The following TBCCD1 variants were observed in gnomAD, a reference collection of about 807,000 sequenced individuals.
TBCCD1 encodes the protein TBCC domain-containing protein 1.
Under a neutral mutation model 53.4 loss-of-function variants are expected in TBCCD1, and 26 were observed. That is an observed-to-expected ratio of 0.49 (90% confidence interval 0.36 to 0.68). The LOEUF is 0.68. Ranked by LOEUF, TBCCD1 falls within the 30% of genes least tolerant of loss-of-function variation. The pLI is 0.00. For missense variants in TBCCD1, 558 were observed against 669.5 expected, an observed-to-expected ratio of 0.83 and a Z score of 1.84; for synonymous variants, 245 against 241.7, an observed-to-expected ratio of 1.01 and a Z score of -0.13.
intron 6 of TBCCD1, chr3:186,553,202 C>A (rs1373620830): frequency 1.3e-5 from 2 of 152,156 alleles, no homozygotes; most frequent in Non-Finnish European, 2.9e-5. Context: ...GTGCTTACAT[C>A]CCACAGTCTG....
chr3:186,568,686 A>T (rs911054209), upstream of TBCCD1, among the ~76,000 whole-genome samples: 3 of 152,118 alleles, frequency 2.0e-5, no homozygotes, highest in Admixed American at 6.6e-5. Flanking sequence ...GGATCACTTG[A>T]GGTCAGGAGT....
At position 186,564,095 on chromosome 3, in the gene TBCCD1, A is replaced by G. The variant is rs370223630; in HGVS notation, c.235T>C (p.Phe79Leu). Reference sequence around the variant, plus strand: ...GGTGTCTTCATTGAAAGACTATCAAATATTTCGAAGTAAAGCCACGCCAGG... The same window carrying G: ...GGTGTCTTCATTGAAAGACTATCAAGTATTTCGAAGTAAAGCCACGCCAGG... Reference protein sequence around the residue: ...KDLAWLYFEIFDSLSMKTPEE... With the variant: ...KDLAWLYFEILDSLSMKTPEE... Residue 79 changes from phenylalanine to leucine, a missense_variant, in exon 2 of 8, where the codon TTT becomes CTT. By Grantham distance (22) the Phe-to-Leu change is conservative (BLOSUM62 0). Transcript: ENST00000338733. 1.7e-5 allele frequency: 28 copies of G among 1,614,066 alleles called. No homozygotes were observed. Among genetic ancestry groups the G allele is most frequent in the Non-Finnish European group, 2.3e-5 (27 of 1,180,046 alleles).
At chr3:186,551,007 T>G (rs1313546260) in intron 7 of TBCCD1, 122 bp downstream of exon 7, 3 of 931,388 alleles carry the variant, frequency 3.2e-6, no homozygotes, top group Admixed American at 6.0e-5. Context: ...TAAAGGTCCG[T>G]GTATGCTGGT....
chr3:186,557,138 G>A (rs1478034354), intron 3 of TBCCD1, among the ~76,000 whole-genome samples: 2 of 152,118 alleles, frequency 1.3e-5, no homozygotes, highest in Non-Finnish European at 2.9e-5. Context: ...GTCCACCCCG[G>A]TCCAATCAGT....
At chr3:186,569,199 A>G (rs577612166), upstream of TBCCD1, among the ~76,000 whole-genome samples, 191 of 152,340 alleles carry the variant, frequency 1.3e-3, 1 homozygote, top group African/African-American at 4.4e-3. Context: ...AGGTTTACAA[A>G]GCATAAACGG....
At chr3:186,557,044 CT>C (rs1349768903) in intron 3 of TBCCD1, among the ~76,000 whole-genome samples, 1 of 152,198 alleles carries the variant, frequency 6.6e-6, no homozygotes, top group East Asian at 1.9e-4. Context: ...TGCATAATTT[CT>C]TCCTGGGGGA....
intron 1 of TBCCD1, among the ~76,000 whole-genome samples, chr3:186,566,010 G>C (rs1389918497): frequency 6.6e-6 from 1 of 150,816 alleles, no homozygotes; most frequent in Non-Finnish European, 1.5e-5. Flanking sequence ...ATTATATTTT[G>C]CATTTGATTC....
At chr3:186,547,493 T>G (rs1714246560) in intron 7 of TBCCD1, among the ~76,000 whole-genome samples, 1 of 152,040 alleles carries the variant, frequency 6.6e-6, no homozygotes, top group Admixed American at 6.6e-5. Context: ...TGGCCTCAAG[T>G]GATCCTCTCA....
At position 186,558,465 on chromosome 3, in the gene TBCCD1, G is replaced by C; in HGVS notation, c.444C>G (p.Asn148Lys). ...LIGEEWPSPR[N>K]KSQSPDLTEK... ...CAGTCAGGTCAGGAGACTGAGATTTGTTTCTGGGACTGGGCCACTCTTCGC... is the reference window on the plus strand; with the variant it reads ...CAGTCAGGTCAGGAGACTGAGATTTCTTTCTGGGACTGGGCCACTCTTCGC... The change falls in exon 3 of 8, where the codon AAC (asparagine) becomes AAG (lysine). Residue 148 changes from asparagine (N) to lysine (K), a missense_variant. By Grantham distance (94) the Asn-to-Lys change is moderately conservative. Transcript: ENST00000338733. 1.2e-6 allele frequency: 2 copies of C among 1,614,170 alleles called. No homozygotes were observed. Among genetic ancestry groups the C allele is most frequent in the Non-Finnish European group, 1.7e-6 (2 of 1,180,022 alleles).
intron 1 of TBCCD1, among the ~76,000 whole-genome samples, chr3:186,564,922 C>T (rs942233239): frequency 6.6e-6 from 1 of 152,112 alleles, no homozygotes; most frequent in Admixed American, 6.5e-5. Flanking sequence ...TTCTCTATAA[C>T]AGTGAACCCA....
Position 186,564,425 on chromosome 3 carries a change from ATT to A in TBCCD1, c.-43-55_-43-54del, listed in dbSNP as rs942118581. 21 of 1,269,530 alleles carry A rather than the reference ATT, an allele frequency of 1.7e-5. No individual in the cohort carries two copies. The South Asian group carries it at 2.0e-4, about 12-fold the overall frequency. 78.6% of individuals were successfully genotyped at this position (1,269,530 alleles called of 1,614,324 possible). A position where few individuals can be genotyped will look rare whatever the true frequency, so the allele number is the denominator to read the frequency against. ...GATTTGAAACAAGTCTCATTTATGC[ATT>A]TTTTCTTGGAAGGTGACCCCTCTCT... On this transcript the variant is annotated intron_variant, in intron 1 of 7. Transcript: ENST00000338733.
intron 2 of TBCCD1, among the ~76,000 whole-genome samples, chr3:186,562,573 C>T (rs188757865): frequency 3.1e-4 from 47 of 152,184 alleles, no homozygotes; most frequent in African/African-American, 1.1e-3. Flanking sequence ...ACAAAGTTTC[C>T]GTTATGCAAG....
At chr3:186,567,479 G>T (rs557454444), upstream of TBCCD1, 1 of 152,274 alleles carries the variant, frequency 6.6e-6, no homozygotes, top group South Asian at 2.1e-4. Context: ...GGGGTCGAGA[G>T]TCCGCAACAG....
At chr3:186,565,492 G>A (rs1714802879) in intron 1 of TBCCD1, among the ~76,000 whole-genome samples, 1 of 152,086 alleles carries the variant, frequency 6.6e-6, no homozygotes, top group Non-Finnish European at 1.5e-5. Flanking sequence ...ATTCTGTACT[G>A]TTTCAAAAGC....
At chr3:186,552,704 C>T (rs988420014) in intron 6 of TBCCD1, among the ~76,000 whole-genome samples, 3 of 152,174 alleles carry the variant, frequency 2.0e-5, no homozygotes, top group African/African-American at 4.8e-5. Context: ...CAAAATCCAA[C>T]GATAAGTTCC....
chr3:186,560,979 G>A (rs1714673403), intron 2 of TBCCD1, among the ~76,000 whole-genome samples: 1 of 152,162 alleles, frequency 6.6e-6, no homozygotes, highest in African/African-American at 2.4e-5. Context: ...ACTCAAAATG[G>A]AGGAAAGACT....
chr3:186,565,377 T>C (rs1022252028), intron 1 of TBCCD1, among the ~76,000 whole-genome samples: 5 of 152,212 alleles, frequency 3.3e-5, no homozygotes, highest in African/African-American at 1.2e-4. Flanking sequence ...CCCAAAGTGC[T>C]AGGATTACAG....
At chr3:186,567,132 G>A (rs944466304) in intron 1 of TBCCD1, 135 bp downstream of exon 1, 14 of 152,318 alleles carry the variant, frequency 9.2e-5, no homozygotes, top group African/African-American at 3.1e-4. Context: ...CCGGACTTCA[G>A]GAACACAGAC....
At chr3:186,549,622 C>T (rs925580824) in intron 7 of TBCCD1, among the ~76,000 whole-genome samples, 1 of 152,222 alleles carries the variant, frequency 6.6e-6, no homozygotes, top group African/African-American at 2.4e-5. Flanking sequence ...TGTGCCACTG[C>T]ACTTTAGCCT....
Sources: allele counts gnomAD v4.1 joint callset (sites outside exome capture counted in the v4.1 genomes callset), GRCh38; gene constraint gnomAD v4.1.1; transcripts MANE v1.5; gene names NCBI Gene and HGNC (gene_info 2026-07-23, HGNC 2026-07-21).